The following WWOX variants were observed in gnomAD, a reference collection of about 807,000 sequenced individuals.
The protein encoded by WWOX is WW domain-containing oxidoreductase.
A neutral mutation model predicts 46.2 loss-of-function variants in WWOX; 69 were observed. The ratio of observed to expected loss-of-function variants is 1.49; its 90% CI spans 1.23 to 1.82. WWOX has a LOEUF of 1.82. WWOX is among the 40% of genes most tolerant of loss of function. The pLI, the probability that WWOX is intolerant of heterozygous loss-of-function variation, is 0.00. For synonymous variants in WWOX, 359 were observed against 202.6 expected (o/e 1.77, Z -6.56); for missense variants, 919 against 542.6 (o/e 1.69, Z -6.89).
chr16:78,657,659 C>G (rs539012663), intron 8 of WWOX, among the ~76,000 whole-genome samples: 1 of 152,164 alleles, frequency 6.6e-6, no homozygotes, highest in Admixed American at 6.5e-5. Flanking sequence ...CTTGAATTTC[C>G]TTGGATGTGA....
intron 8 of WWOX, among the ~76,000 whole-genome samples, chr16:79,176,791 T>A (rs1178644125): frequency 1.3e-5 from 2 of 152,166 alleles, no homozygotes; most frequent in Non-Finnish European, 2.9e-5. Context: ...ACCTGAGCCT[T>A]GGCATTTGTA....
intron 5 of WWOX, among the ~76,000 whole-genome samples, chr16:78,370,771 T>C (rs1018733995): frequency 4.1e-5 from 2 of 48,694 alleles, no homozygotes; most frequent in Non-Finnish European, 7.9e-5. Context: ...AACTTTAAAC[T>C]TTTTTTCTTT....
chr16:78,775,472 AT>A (rs2050166027), intron 8 of WWOX, among the ~76,000 whole-genome samples: 1 of 152,086 alleles, frequency 6.6e-6, no homozygotes, highest in African/African-American at 2.4e-5. Context: ...CTCATTTCTC[AT>A]CTCTTGTTGA....
intron 8 of WWOX, among the ~76,000 whole-genome samples, chr16:79,207,070 G>C (rs1377548315): frequency 6.6e-6 from 1 of 152,156 alleles, no homozygotes; most frequent in Admixed American, 6.5e-5. Context: ...GCCTCTCCTG[G>C]GGGAGTGTTA....
chr16:78,846,216 C>A (rs1370889506), intron 8 of WWOX, among the ~76,000 whole-genome samples: 1 of 152,204 alleles, frequency 6.6e-6, no homozygotes, highest in Non-Finnish European at 1.5e-5. Flanking sequence ...GTACTCTTCA[C>A]TCAGCTTCCC....
intron 8 of WWOX, among the ~76,000 whole-genome samples, chr16:78,654,024 A>T (rs1387747591): frequency 6.6e-6 from 1 of 152,210 alleles, no homozygotes; most frequent in Non-Finnish European, 1.5e-5. Context: ...CAGCTTTGGG[A>T]ACCCCAACTA....
At chr16:78,556,852 G>C (rs2044309903) in intron 8 of WWOX, among the ~76,000 whole-genome samples, 1 of 151,854 alleles carries the variant, frequency 6.6e-6, no homozygotes, top group Non-Finnish European at 1.5e-5. Context: ...CCAAGTAACT[G>C]GGATTACAGG....
At chr16:78,880,673 G>C (rs867599634) in intron 8 of WWOX, among the ~76,000 whole-genome samples, 2 of 152,186 alleles carry the variant, frequency 1.3e-5, no homozygotes, top group African/African-American at 4.8e-5. Context: ...TGCCGAACTT[G>C]CTGATGTACT....
At chr16:78,808,256 C>G (rs1275426472) in intron 8 of WWOX, among the ~76,000 whole-genome samples, 1 of 152,200 alleles carries the variant, frequency 6.6e-6, no homozygotes, top group Non-Finnish European at 1.5e-5. Context: ...TCCTCAAGAG[C>G]AGTCATTCAC....
In WWOX at chr16:78,105,682, A is replaced by G. The variant is rs147386910; in HGVS notation, c.108-2741A>G. ...TACATTTGTGCGCCTGCTGTGGGCCAGGCATGAGGCTACATGTCTGAGGGC... is the reference window on the plus strand; with the variant it reads ...TACATTTGTGCGCCTGCTGTGGGCCGGGCATGAGGCTACATGTCTGAGGGC... On this transcript the variant is annotated intron_variant, in intron 1 of 8. Transcript: ENST00000566780. 2.9e-3 allele frequency among the ~76,000 whole-genome samples: 444 copies of G among 152,318 alleles called. 9 individuals are homozygous for G. In the South Asian group the frequency reaches 0.039, roughly 13 times the overall value.
intron 8 of WWOX, among the ~76,000 whole-genome samples, chr16:78,656,184 G>A (rs1363375176): frequency 6.6e-6 from 1 of 152,102 alleles, no homozygotes; most frequent in African/African-American, 2.4e-5. Context: ...GTGTGTGGGT[G>A]GGTGGGTGTG....
rs1179847233 is a variant in WWOX, at chr16:78,293,976, C to T, written c.517-92884C>T. Among the ~76,000 whole-genome samples the T allele has an allele frequency of 4.8e-4, 5 of 10,472 alleles. No homozygotes were observed. The Admixed American group carries it at 5.0e-3, about 10-fold the overall frequency. The allele number at this position is 10,472 out of a possible 152,430, so 6.9% of individuals were successfully genotyped here. ...TGGGCGACAGAGTGAGACTCTGTCT[C>T]AGAAAAAAAAAAAAAAAAAAAAAAA... is the stretch of plus-strand genomic sequence containing the variant. On this transcript the variant is annotated intron_variant, in intron 5 of 8. Transcript: ENST00000566780.
intron 8 of WWOX, among the ~76,000 whole-genome samples, chr16:78,784,563 G>T (rs181119484): frequency 6.6e-6 from 1 of 152,118 alleles, no homozygotes; most frequent in African/African-American, 2.4e-5. Context: ...CTACAAAGGG[G>T]GAATTGATAA....
chr16:78,750,336 G>A (rs7196702), intron 8 of WWOX, among the ~76,000 whole-genome samples: 27,688 of 152,072 alleles, frequency 0.18, 3,550 homozygotes, highest in African/African-American at 0.36. Flanking sequence ...CCTGTGGTCT[G>A]TAAGAATGGG....
intron 8 of WWOX, among the ~76,000 whole-genome samples, chr16:78,585,408 G>C (rs1198913806): frequency 6.6e-6 from 1 of 152,106 alleles, no homozygotes; most frequent in Admixed American, 6.5e-5. Context: ...TTACTTGTGG[G>C]GTTGACTCTT....
chr16:78,510,708 C>T (rs944995291), intron 8 of WWOX, among the ~76,000 whole-genome samples: 1 of 152,170 alleles, frequency 6.6e-6, no homozygotes, highest in Admixed American at 6.5e-5. Flanking sequence ...AAATTGTGTG[C>T]TACAGATCCT....
chr16:78,798,538 C>T (rs1466140062), intron 8 of WWOX, among the ~76,000 whole-genome samples: 1 of 151,070 alleles, frequency 6.6e-6, no homozygotes, highest in Admixed American at 6.6e-5. Flanking sequence ...TTATCATTCA[C>T]AAGCTTAGCT....
intron 8 of WWOX, among the ~76,000 whole-genome samples, chr16:78,906,017 G>A (rs2044953962): frequency 6.6e-6 from 1 of 152,200 alleles, no homozygotes; most frequent in Non-Finnish European, 1.5e-5. Context: ...TTTTTGGGAT[G>A]AATGCAATGA....
chr16:78,253,600 A>T (rs2038042566), intron 5 of WWOX, among the ~76,000 whole-genome samples: 1 of 152,190 alleles, frequency 6.6e-6, no homozygotes, highest in Non-Finnish European at 1.5e-5. Context: ...CCATGATTTC[A>T]CAAACCTGTT....
Sources: gnomAD v4.1 joint callset for allele counts (sites outside exome capture counted in the v4.1 genomes callset) on GRCh38, gnomAD v4.1.1 for gene constraint, MANE v1.5 for transcripts, NCBI Gene and HGNC (gene_info 2026-07-23, HGNC 2026-07-21) for gene names.